GRID2: variants seen among roughly 807,000 people sequenced by gnomAD.
GRID2 encodes glutamate ionotropic receptor delta type subunit 2, also known as glutamate receptor ionotropic, delta-2.
A neutral mutation model predicts 114.8 loss-of-function variants in GRID2; 33 were observed. The ratio of observed to expected loss-of-function variants is 0.29; its 90% confidence interval spans 0.22 to 0.38. The LOEUF (loss-of-function observed/expected upper bound fraction) is 0.38, where lower values mean the gene tolerates loss of function less well. GRID2 is among the 10% of genes least tolerant of loss of function. GRID2 has a pLI of 1.00. For synonymous variants in GRID2, 505 were observed against 449.9 expected (o/e 1.12, Z -1.55); for missense variants, 1,184 against 1,257.7 (o/e 0.94, Z 0.89).
At chr4:93,264,734 T>TTATATATATATA (rs57194878) in intron 8 of GRID2, among the ~76,000 whole-genome samples, 6 of 91,030 alleles carry the variant, frequency 6.6e-5, no homozygotes, top group Admixed American at 5.3e-4. Flanking sequence ...ATCATTTGAA[T>TTATATATATATA]TATATATATA....
intron 10 of GRID2, among the ~76,000 whole-genome samples, chr4:93,437,247 A>G (rs1363006350): frequency 2.0e-5 from 3 of 152,128 alleles, no homozygotes; most frequent in South Asian, 2.1e-4. Context: ...TATTATCTCA[A>G]TGTTGTAGAT....
chr4:92,845,516 A>C (rs1450065028), intron 2 of GRID2, among the ~76,000 whole-genome samples: 1 of 152,032 alleles, frequency 6.6e-6, no homozygotes, highest in African/African-American at 2.4e-5. Flanking sequence ...GGACATGTAG[A>C]TGGGGTACCT....
At chr4:93,723,536 C>A (rs1729574924) in intron 14 of GRID2, among the ~76,000 whole-genome samples, 1 of 152,188 alleles carries the variant, frequency 6.6e-6, no homozygotes, top group Non-Finnish European at 1.5e-5. Flanking sequence ...GCACCAGGTG[C>A]AGCTCATGTC....
chr4:93,238,882 G>T (rs1178787201), intron 8 of GRID2, among the ~76,000 whole-genome samples: 1 of 151,350 alleles, frequency 6.6e-6, no homozygotes, highest in Admixed American at 6.6e-5. Flanking sequence ...TAGTAAGACA[G>T]AAAGTCTACT....
At chr4:93,655,401 A>G (rs1306540687) in intron 14 of GRID2, among the ~76,000 whole-genome samples, 2 of 152,172 alleles carry the variant, frequency 1.3e-5, no homozygotes, top group Non-Finnish European at 1.5e-5. Context: ...TTCCTAAAGT[A>G]ATATTCAAGA....
At chr4:93,311,110 A>G (rs1353496070) in intron 8 of GRID2, among the ~76,000 whole-genome samples, 2 of 152,186 alleles carry the variant, frequency 1.3e-5, no homozygotes, top group East Asian at 3.9e-4. Flanking sequence ...ATGGAACTGA[A>G]TTCCTGTACG....
intron 4 of GRID2, among the ~76,000 whole-genome samples, chr4:93,116,202 A>G (rs1203927602): frequency 2.6e-5 from 4 of 152,158 alleles, no homozygotes; most frequent in Non-Finnish European, 5.9e-5. Flanking sequence ...TTGTAAAGAC[A>G]ATATACTAGT....
intron 8 of GRID2, among the ~76,000 whole-genome samples, chr4:93,261,384 G>A (rs2149549940): frequency 6.6e-6 from 1 of 151,922 alleles, no homozygotes; most frequent in African/African-American, 2.4e-5. Context: ...GACAAGTCAT[G>A]TACACAATCT....
intron 2 of GRID2, among the ~76,000 whole-genome samples, chr4:92,870,358 G>A (rs1488955262): frequency 1.3e-5 from 2 of 151,616 alleles, no homozygotes; most frequent in East Asian, 3.9e-4. Flanking sequence ...GCTCCATAAG[G>A]ACAGCACTTT....
At chr4:92,798,157 G>A (rs1375568573) in intron 2 of GRID2, among the ~76,000 whole-genome samples, 1 of 151,822 alleles carries the variant, frequency 6.6e-6, no homozygotes, top group Non-Finnish European at 1.5e-5. Context: ...TATATTTTAA[G>A]AAGCGGATAT....
intron 13 of GRID2, among the ~76,000 whole-genome samples, chr4:93,543,884 C>T (rs1316643559): frequency 1.3e-5 from 2 of 152,146 alleles, no homozygotes; most frequent in African/African-American, 4.8e-5. Flanking sequence ...ACAAGTTGTG[C>T]AGATGCTGTT....
intron 4 of GRID2, among the ~76,000 whole-genome samples, chr4:93,136,135 C>T (rs1212075001): frequency 6.6e-6 from 1 of 152,034 alleles, no homozygotes; most frequent in Non-Finnish European, 1.5e-5. Context: ...TATAGCCTTT[C>T]CAACGTCACA....
intron 2 of GRID2, among the ~76,000 whole-genome samples, chr4:92,968,688 T>A (rs1023027151): frequency 6.6e-6 from 1 of 151,706 alleles, no homozygotes; most frequent in Non-Finnish European, 1.5e-5. Context: ...TTTAGAACAG[T>A]TTTTCTTTTT....
intron 2 of GRID2, among the ~76,000 whole-genome samples, chr4:92,981,028 G>C (rs1482392502): frequency 1.3e-5 from 2 of 151,912 alleles, no homozygotes; most frequent in East Asian, 1.9e-4. Flanking sequence ...AGGGCAAATA[G>C]GTAACTGAAA....
At chr4:93,281,165 A>G (rs1021664417) in intron 8 of GRID2, among the ~76,000 whole-genome samples, 3 of 151,904 alleles carry the variant, frequency 2.0e-5, no homozygotes, top group Non-Finnish European at 4.4e-5. Context: ...GGGAGTGGAG[A>G]GTCACAGTAT....
chr4:92,877,236 T>C (rs1386376617), intron 2 of GRID2, among the ~76,000 whole-genome samples: 2 of 152,200 alleles, frequency 1.3e-5, no homozygotes, highest in African/African-American at 4.8e-5. Flanking sequence ...GTTAGTACAC[T>C]GCATCTAAGG....
intron 14 of GRID2, among the ~76,000 whole-genome samples, chr4:93,731,625 G>A (rs949760610): frequency 6.6e-6 from 1 of 152,134 alleles, no homozygotes; most frequent in Admixed American, 6.5e-5. Context: ...CAGGACCTGG[G>A]GTGAAGCCTT....
chr4:92,973,097 G>T (rs971950888), intron 2 of GRID2, among the ~76,000 whole-genome samples: 2 of 152,114 alleles, frequency 1.3e-5, no homozygotes, highest in African/African-American at 4.8e-5. Context: ...ATAATAGAAT[G>T]ATTTATATTC....
At chr4:93,440,742 T>G (rs1251136494) in intron 10 of GRID2, among the ~76,000 whole-genome samples, 2 of 152,126 alleles carry the variant, frequency 1.3e-5, no homozygotes, top group Admixed American at 1.3e-4. Context: ...ATTATGTAGA[T>G]GCAAATGACT....
Sources: gnomAD v4.1 joint callset for allele counts (sites outside exome capture counted in the v4.1 genomes callset) on GRCh38, gnomAD v4.1.1 for gene constraint, MANE v1.5 for transcripts, NCBI Gene and HGNC (gene_info 2026-07-23, HGNC 2026-07-21) for gene names.